The following AGL variants were observed in gnomAD, a reference collection of about 807,000 sequenced individuals.
The protein encoded by AGL is glycogen debranching enzyme.
In AGL, 128 loss-of-function variants were observed where a neutral mutation model predicts 199.3. The ratio of observed to expected loss-of-function variants is 0.64; its 90% CI spans 0.56 to 0.74. The LOEUF is 0.74. AGL is among the 30% of genes least tolerant of loss of function. The pLI is 0.00. For synonymous variants in AGL, 584 were observed against 594.7 expected (o/e 0.98, Z 0.26); for missense variants, 1,809 against 1,820.8 (o/e 0.99, Z 0.12).
intron 15 of AGL, 57 bp from the exon 16 acceptor site, chr1:99,881,235 T>G: frequency 1.2e-6 from 2 of 1,613,454 alleles, no homozygotes. Context: ...GGCATTTTTA[T>G]TAAAAAAAAT....
At chr1:99,863,977 C>T (rs567978112) in intron 4 of AGL, among the ~76,000 whole-genome samples, 6 of 152,160 alleles carry the variant, frequency 3.9e-5, no homozygotes, top group African/African-American at 1.4e-4. Context: ...TTGGATAATA[C>T]ATGAAGAAAG....
rs769182312 is a variant in AGL, at chr1:99,870,362, AT to A, written c.665-36del. ...TTAACATAGATACAGTTTCAATTTA[AT>A]TATGAGATACTCCTTTGTGTCTCCT... On this transcript the variant is annotated intron_variant, in intron 5 of 33. Transcript: ENST00000361915. 5 of 1,585,336 alleles carry A rather than the reference AT, an allele frequency of 3.2e-6. No individual in the cohort carries two copies. The South Asian group carries it at 5.5e-5, about 18-fold the overall frequency.
intron 2 of AGL, among the ~76,000 whole-genome samples, chr1:99,854,055 G>A (rs1267653573): frequency 6.6e-5 from 10 of 151,876 alleles, no homozygotes; most frequent in Non-Finnish European, 1.0e-4. Flanking sequence ...TTAGCCAGGC[G>A]TGGTGGCGCA....
Position 99,910,726 on chromosome 1 carries a change from G to A in AGL, c.3715G>A (p.Ala1239Thr). 6.2e-7 allele frequency: 1 copy of A among 1,604,346 alleles called. No individual in the cohort carries two copies. Among genetic ancestry groups the A allele is most frequent in the East Asian group, 2.2e-5 (1 of 44,630 alleles). Residue 1239 changes from alanine to threonine, a missense_variant, in exon 28 of 34, where the codon GCA (alanine) becomes ACA (threonine). Ala to Thr is a moderately conservative substitution (Grantham distance 58). Coordinates refer to ENST00000361915, the MANE Select transcript of AGL (RefSeq NM_000642.3). ...NMKDEGFNITAGVDEETGFVY... is the reference protein window; with the variant it reads ...NMKDEGFNITTGVDEETGFVY... ...TTGTTTTTTAGGTTTTAATATAACT[G>A]CAGGAGTTGATGAAGAAACAGGATT...
At chr1:99,893,522 A>T (rs1351508164) in intron 24 of AGL, among the ~76,000 whole-genome samples, 1 of 152,230 alleles carries the variant, frequency 6.6e-6, no homozygotes, top group East Asian at 1.9e-4. Flanking sequence ...GGCAAAGGAA[A>T]CATTGATGTA....
At chr1:99,900,457 C>T (rs1444251349) in intron 25 of AGL, among the ~76,000 whole-genome samples, 179 bp from the exon 26 acceptor site, 1 of 152,052 alleles carries the variant, frequency 6.6e-6, no homozygotes, top group Admixed American at 6.5e-5. Context: ...AATCAAGGTT[C>T]CTGACTTTAA....
Position 99,870,986 on chromosome 1 carries a change from ATTG to A in AGL, c.958+121_958+123del, listed in dbSNP as rs1411115379. ...TATGTCATTGTATTATATTTGTGTT[ATTG>A]TTGATATTATAAAACTGTGATTCTG... On this transcript the variant is annotated intron_variant, in intron 7 of 33. Transcript: ENST00000361915. 1.9e-5 allele frequency: 13 copies of A among 687,452 alleles called. No homozygotes were observed. In the Admixed American group the frequency reaches 3.5e-4, roughly 19 times the overall value. 42.6% of individuals were successfully genotyped at this position (687,452 alleles called of 1,614,324 possible). A position where few individuals can be genotyped will look rare whatever the true frequency, so the allele number is the denominator to read the frequency against.
At chr1:99,874,990 C>A (rs533462782) in intron 8 of AGL, among the ~76,000 whole-genome samples, 164 bp from the exon 9 acceptor site, 2 of 152,104 alleles carry the variant, frequency 1.3e-5, no homozygotes, top group African/African-American at 4.8e-5. Flanking sequence ...GGCCATGTTT[C>A]TATATGTGTA....
chr1:99,867,519 G>A (rs780583685), intron 5 of AGL, among the ~76,000 whole-genome samples: 21 of 151,886 alleles, frequency 1.4e-4, no homozygotes, highest in Non-Finnish European at 2.5e-4. Flanking sequence ...TCTCCCTGCC[G>A]GCCCTGTCTT....
chr1:99,895,829 A>T (rs561921581), intron 24 of AGL, among the ~76,000 whole-genome samples: 2 of 152,294 alleles, frequency 1.3e-5, no homozygotes, highest in African/African-American at 4.8e-5. Context: ...TACAAAAACT[A>T]GCCAGGCATG....
At position 99,853,899 on chromosome 1, in the gene AGL, A is replaced by T. The variant is rs1571210913; in HGVS notation, c.82+2775A>T. Among the ~76,000 whole-genome samples the T allele has an allele frequency of 5.3e-5, 8 of 151,646 alleles. No individual in the cohort carries two copies. In the South Asian group the frequency reaches 1.5e-3, roughly 28 times the overall value. On this transcript the variant is annotated intron_variant, in intron 2 of 33. Transcript: ENST00000361915. ...AGTGAGACCCTGTCTTTAAAAAACA[A>T]AAATAAAGGGCCGGGCGCAGTGGCT...
At chr1:99,877,087 G>A (rs576310778) in intron 11 of AGL, among the ~76,000 whole-genome samples, 15 of 152,270 alleles carry the variant, frequency 9.9e-5, no homozygotes, top group African/African-American at 3.6e-4. Flanking sequence ...GAATGTTGCA[G>A]GAGCCCATTG....
Position 99,851,142 on chromosome 1 carries a change from T to C in AGL, c.82+18T>C, listed in dbSNP as rs777480976. The C allele has an allele frequency of 1.4e-5, 23 of 1,601,496 alleles. No individual in the cohort carries two copies. The highest frequency in any genetic ancestry group is 1.3e-4 in the Admixed American group (8 of 59,996). On this transcript the variant is annotated intron_variant, in intron 2 of 33. Coordinates refer to ENST00000361915, the MANE Select transcript of AGL (RefSeq NM_000642.3). ...TGAACAAGGTCAGTAGCAAGTTGTT[T>C]TGATTTGCTCATTTGCGTCTTTTAA...
chr1:99,896,962 G>T (rs995393499), intron 25 of AGL, among the ~76,000 whole-genome samples: 1 of 151,978 alleles, frequency 6.6e-6, no homozygotes, highest in Non-Finnish European at 1.5e-5. Flanking sequence ...GATTACAGGC[G>T]CCCGCCACCA....
At chr1:99,858,502 A>G (rs1453095090) in intron 2 of AGL, among the ~76,000 whole-genome samples, 1 of 152,216 alleles carries the variant, frequency 6.6e-6, no homozygotes, top group Non-Finnish European at 1.5e-5. Flanking sequence ...CCATAGGCAA[A>G]CATACATGAA....
intron 5 of AGL, among the ~76,000 whole-genome samples, chr1:99,869,735 A>G (rs755458483): frequency 6.6e-6 from 1 of 152,248 alleles, no homozygotes; most frequent in Admixed American, 6.5e-5. Flanking sequence ...ATGCTCTTCA[A>G]TATGAATTCA....
At position 99,864,391 on chromosome 1, in the gene AGL, A is replaced by T; in HGVS notation, c.466A>T (p.Asn156Tyr). 1 of 1,613,366 alleles carries T rather than the reference A, an allele frequency of 6.2e-7. No homozygotes were observed. Among genetic ancestry groups the T allele is most frequent in the African/African-American group, 1.3e-5 (1 of 75,020 alleles). ...TTCCTTTATTTGCTTTGCAGGCTACAACATGATTCATTTTACCCCATTGCA... is the reference window on the plus strand; with the variant it reads ...TTCCTTTATTTGCTTTGCAGGCTACTACATGATTCATTTTACCCCATTGCA... Reference protein sequence around the residue: ...RLRVAKESGYNMIHFTPLQTL... With the variant: ...RLRVAKESGYYMIHFTPLQTL... The change falls in exon 5 of 34, where the codon AAC (asparagine) becomes TAC (tyrosine). Residue 156 changes from asparagine to tyrosine, a missense_variant. Physicochemically the swap from Asn to Tyr is moderately radical, Grantham distance 143. Coordinates refer to ENST00000361915, the MANE Select transcript of AGL (RefSeq NM_000642.3).
At chr1:99,851,872 G>A (rs1648976168) in intron 2 of AGL, among the ~76,000 whole-genome samples, 1 of 151,628 alleles carries the variant, frequency 6.6e-6, no homozygotes, top group Non-Finnish European at 1.5e-5. Flanking sequence ...TTTAAATTTC[G>A]CTAATGTTTT....
In AGL at chr1:99,878,513, G is replaced by A. The variant is rs1021801406; in HGVS notation, c.1611+685G>A. Among the ~76,000 whole-genome samples, 3 of 151,814 alleles carry A rather than the reference G, an allele frequency of 2.0e-5. No individual in the cohort carries two copies. The East Asian group carries it at 5.8e-4, about 29-fold the overall frequency. On this transcript the variant is annotated intron_variant, in intron 12 of 33. Transcript: ENST00000361915. ...CTCTTTACAATAACTTCTGAACAAT[G>A]CCAATACTTATAGTATTAACTTCTA...
Sources: gnomAD v4.1 joint callset for allele counts (sites outside exome capture counted in the v4.1 genomes callset) on GRCh38, gnomAD v4.1.1 for gene constraint, MANE v1.5 for transcripts, NCBI Gene and HGNC (gene_info 2026-07-23, HGNC 2026-07-21) for gene names.